The following PRDM15 variants were observed in gnomAD, a reference collection of about 807,000 sequenced individuals.
PRDM15 encodes the protein PR/SET domain 15.
In PRDM15, 64 loss-of-function variants were observed where a neutral mutation model predicts 128.6. That is an observed-to-expected ratio of 0.50 (90% confidence interval 0.41 to 0.61). The LOEUF (loss-of-function observed/expected upper bound fraction) is 0.61, where lower values mean the gene tolerates loss of function less well. Among genes scored for constraint, PRDM15 ranks in the 20% least tolerant of loss-of-function variants. The probability of loss-of-function intolerance (pLI) is 0.00; values close to 1 mark genes in which losing one functional copy is unlikely to be tolerated. For synonymous variants in PRDM15, 615 were observed against 621.8 expected, an observed-to-expected ratio of 0.99 and a Z score of 0.16; for missense variants, 1,242 against 1,569.1, an observed-to-expected ratio of 0.79 and a Z score of 3.52.
chr21:41,876,027 T>C (rs1159144364), intron 1 of PRDM15, among the ~76,000 whole-genome samples: 10 of 152,192 alleles, frequency 6.6e-5, no homozygotes, highest in Admixed American at 6.5e-4. Flanking sequence ...AACGGAATAC[T>C]GTAGGTACCT....
chr21:41,833,174 G>C (rs1459711489), intron 11 of PRDM15, among the ~76,000 whole-genome samples: 1 of 152,208 alleles, frequency 6.6e-6, no homozygotes, highest in Non-Finnish European at 1.5e-5. Flanking sequence ...CTATTCCGTA[G>C]CACAGTACTT....
chr21:41,803,048 G>T, intron 22 of PRDM15, 127 bp from the exon 23 acceptor site: 1 of 744,824 alleles, frequency 1.3e-6, no homozygotes, highest in Non-Finnish European at 2.4e-6. Context: ...CCACCGAGCT[G>T]CCACAAGAAA....
intron 1 of PRDM15, among the ~76,000 whole-genome samples, chr21:41,867,862 G>A (rs537746118): frequency 6.6e-6 from 1 of 152,204 alleles, no homozygotes; most frequent in Admixed American, 6.5e-5. Flanking sequence ...TTCAAGACCA[G>A]CCTGGCCAAC....
At position 41,801,431 on chromosome 21, in the gene PRDM15, T is replaced by C; in HGVS notation, c.3235A>G (p.Ile1079Val). The change falls in exon 24 of 24, where the codon ATC becomes GTC. Residue 1079 changes from isoleucine to valine, a missense_variant. By Grantham distance (29) the Ile-to-Val change is conservative. Transcript: ENST00000398548. ...ASNPQSVAHF[I>V]NLTTLVNSIT... ...GAGTTGACCAGGGTCGTCAGGTTGA[T>C]GAAATGGGCCACAGACTGTGGGTTC... The C allele has an allele frequency of 6.2e-7, 1 of 1,614,076 alleles. No homozygotes were observed. Among genetic ancestry groups the C allele is most frequent in the African/African-American group, 1.3e-5 (1 of 75,018 alleles).
At position 41,810,956 on chromosome 21, in the gene PRDM15, CAAG is replaced by C. The variant is rs1273171234; in HGVS notation, c.2393-123_2393-121del. 2.4e-5 allele frequency: 20 copies of C among 816,438 alleles called. No homozygotes were observed. The highest frequency in any genetic ancestry group is 3.9e-5 in the Non-Finnish European group (19 of 489,680). 50.6% of individuals were successfully genotyped at this position (816,438 alleles called of 1,614,324 possible). On this transcript the variant is annotated intron_variant, in intron 19 of 23. Transcript: ENST00000398548. This position sits in a 1 kb window ranked among gnomAD's most constrained non-coding sequence, Gnocchi z 6.4. ...AGGGCCTTCAGGAGAAGGTGAATTG[CAAG>C]AAGACAGCAGACAATGAACGCTCAT...
intron 6 of PRDM15, among the ~76,000 whole-genome samples, chr21:41,842,551 T>C (rs955250845): frequency 7.2e-5 from 11 of 152,064 alleles, no homozygotes; most frequent in South Asian, 2.1e-4. Flanking sequence ...GAGTGCAGTG[T>C]GCGATCTCGG....
intron 6 of PRDM15, among the ~76,000 whole-genome samples, chr21:41,840,901 G>A (rs533522457): frequency 1.1e-4 from 16 of 152,102 alleles, no homozygotes; most frequent in South Asian, 1.0e-3. Context: ...ACAATGTGTC[G>A]TATTAAACAA....
intron 4 of PRDM15, among the ~76,000 whole-genome samples, chr21:41,855,369 C>T (rs2063547359): frequency 6.6e-6 from 1 of 152,188 alleles, no homozygotes; most frequent in Non-Finnish European, 1.5e-5. Context: ...AGGCAGGCAG[C>T]AGGGAGAAAA....
rs778900971 is a variant in PRDM15 at position 41,815,716 on chromosome 21, T to C, written c.2381A>G (p.Lys794Arg). The change falls in exon 19 of 24, where the codon AAG becomes AGG. Residue 794 changes from lysine (K) to arginine (R), a missense_variant. Physicochemically the swap from Lys to Arg is conservative, Grantham distance 26. This residue lies in a region of PRDM15 where 602 missense variants were observed against 788.3 expected (regional missense o/e 0.76). Coordinates refer to ENST00000398548, the MANE Select transcript of PRDM15 (RefSeq NM_001040424.3). ...AQKVNMLKHC[K>R]RHTGIKDFMC... ...GGCCTCGGACTCACCCGTGTGCCGC[T>C]TGCAGTGCTTGAGCATGTTGACCTT... The C allele has an allele frequency of 6.2e-7, 1 of 1,613,740 alleles. No homozygotes were observed. The highest frequency in any genetic ancestry group is 2.2e-5 in the East Asian group (1 of 44,882).
chr21:41,857,544 A>G lies in PRDM15; in HGVS notation c.132-215T>C, dbSNP rs188947769. On this transcript the variant is annotated intron_variant, in intron 3 of 23. Coordinates refer to ENST00000398548, the MANE Select transcript of PRDM15 (RefSeq NM_001040424.3). The stretch of plus-strand genomic sequence containing the variant: ...GAAGGCCAAGGTGTGAAGACTGTAT[A>G]AGCCCAGGAGTTTGAGACCAGCCTG... 2.1e-3 allele frequency among the ~76,000 whole-genome samples: 314 copies of G among 152,300 alleles called. 2 individuals are homozygous for G. Among genetic ancestry groups the G allele is most frequent in the African/African-American group, 7.1e-3 (297 of 41,566 alleles).
intron 11 of PRDM15, 111 bp downstream of exon 11, chr21:41,835,326 G>T: frequency 1.2e-6 from 1 of 857,952 alleles, no homozygotes; most frequent in Non-Finnish European, 1.9e-6. Context: ...AAGTGAGGCT[G>T]TCTATTCATG....
intron 17 of PRDM15, 167 bp from the exon 18 acceptor site, chr21:41,819,868 T>G: frequency 1.1e-6 from 1 of 888,062 alleles, no homozygotes; most frequent in Non-Finnish European, 1.7e-6. Flanking sequence ...CCGGGGATCC[T>G]GTGACTCCAG....
Position 41,859,159 on chromosome 21 carries a change from G to T in PRDM15, c.131+433C>A. On this transcript the variant is annotated intron_variant, in intron 3 of 23. Coordinates refer to ENST00000398548, the MANE Select transcript of PRDM15 (RefSeq NM_001040424.3). This position sits in a 1 kb window ranked among gnomAD's most constrained non-coding sequence, Gnocchi z 5.3. ...CTGGAAGCTGCTGTGGGTCAGCCCT[G>T]TCCCTGTCCTCATAACCCCGCATCC... 5.0e-6 allele frequency: 8 copies of T among 1,613,888 alleles called. No homozygotes were observed. The highest frequency in any genetic ancestry group is 6.8e-6 in the Non-Finnish European group (8 of 1,179,980).
intron 6 of PRDM15, among the ~76,000 whole-genome samples, chr21:41,841,409 G>A (rs73219073): frequency 0.035 from 5,343 of 152,246 alleles, 238 homozygotes; most frequent in East Asian, 0.24. Flanking sequence ...TTCAATATCC[G>A]GTGAAAACCG....
At position 41,859,202 on chromosome 21, in the gene PRDM15, T is replaced by C. The variant is rs1245457772; in HGVS notation, c.131+390A>G. 94 of 1,613,818 alleles carry C rather than the reference T, an allele frequency of 5.8e-5. No individual in the cohort carries two copies. Among genetic ancestry groups the C allele is most frequent in the Non-Finnish European group, 7.8e-5 (92 of 1,179,978 alleles). On this transcript the variant is annotated intron_variant, in intron 3 of 23. Coordinates refer to ENST00000398548, the MANE Select transcript of PRDM15 (RefSeq NM_001040424.3). The surrounding 1 kb of genome is among the most constrained non-coding windows in gnomAD (Gnocchi z 5.3). ...CCGCATCCCCTGCCCCGCCTGGGTG[T>C]GCACGTGTCCGCTGGCAGGCCAAGA...
chr21:41,823,574 G>T, intron 13 of PRDM15, 125 bp from the exon 14 acceptor site: 1 of 970,276 alleles, frequency 1.0e-6, no homozygotes, highest in Non-Finnish European at 1.5e-6. Context: ...TCCAGGCCTT[G>T]CATCTCCAGT....
At chr21:41,874,521 A>T (rs1470333678) in intron 1 of PRDM15, among the ~76,000 whole-genome samples, 1,639 of 47,756 alleles carry the variant, frequency 0.034, 34 homozygotes, top group African/African-American at 0.086. Context: ...ATATATATAT[A>T]TATATTTTTT....
At chr21:41,835,617 G>A (rs1421121207) in intron 10 of PRDM15, 93 bp from the exon 11 acceptor site, 30 of 975,230 alleles carry the variant, frequency 3.1e-5, no homozygotes, top group Non-Finnish European at 4.8e-5. Context: ...CTCCACGCCT[G>A]TGTCTGTTAT....
chr21:41,857,119 A>G (rs1309562485), intron 4 of PRDM15, 57 bp downstream of exon 4: 2 of 1,531,266 alleles, frequency 1.3e-6, no homozygotes, highest in Non-Finnish European at 1.8e-6. Context: ...CCATTCCCAC[A>G]TGGGAACGCC....
Sources: allele counts gnomAD v4.1 joint callset (sites outside exome capture counted in the v4.1 genomes callset), GRCh38; gene constraint gnomAD v4.1.1; regional missense constraint gnomAD v4.1.1; non-coding constraint Gnocchi (gnomAD v3.1); transcripts MANE v1.5; gene names NCBI Gene and HGNC (gene_info 2026-07-23, HGNC 2026-07-21).